Variants in MEGF9 observed in about 807,000 individuals in gnomAD.
The protein encoded by MEGF9 is multiple EGF like domains 9.
MEGF9 carries 6 observed loss-of-function variants against 46.8 expected under a neutral mutation model. That is an observed-to-expected ratio of 0.13 (90% CI 0.07 to 0.25). MEGF9 has a LOEUF of 0.25. Ranked by LOEUF, MEGF9 falls within the 10% of genes least tolerant of loss-of-function variation. The pLI, the probability that MEGF9 is intolerant of heterozygous loss-of-function variation, is 1.00. For synonymous variants in MEGF9, 302 were observed against 330.7 expected (o/e 0.91, Z 0.94); for missense variants, 683 against 792.4 (o/e 0.86, Z 1.66).
At chr9:120,697,755 T>C (rs2043884320) in intron 1 of MEGF9, among the ~76,000 whole-genome samples, 1 of 152,166 alleles carries the variant, frequency 6.6e-6, no homozygotes, top group South Asian at 2.1e-4. Flanking sequence ...AAACACTCTT[T>C]GATCTAATTT....
chr9:120,699,577 G>A (rs1205153058), intron 1 of MEGF9, among the ~76,000 whole-genome samples: 1 of 149,216 alleles, frequency 6.7e-6, no homozygotes, highest in Non-Finnish European at 1.5e-5. Flanking sequence ...TTTTAAATTA[G>A]CTGAGCATGG....
In MEGF9 at chr9:120,645,318, T is replaced by C. The variant is rs149503557; in HGVS notation, c.803+14056A>G. On this transcript the variant is annotated intron_variant, in intron 2 of 5. Coordinates refer to ENST00000373930, the MANE Select transcript of MEGF9 (RefSeq NM_001080497.3). ...AAGATCTAGAACCTAGGAGACCTAA[T>C]TTAGAGCATCCTTGAAAGAATGTGG... is the stretch of plus-strand genomic sequence containing the variant. 6.7e-3 allele frequency among the ~76,000 whole-genome samples: 1,026 copies of C among 152,292 alleles called. 14 individuals are homozygous for C. Among genetic ancestry groups the C allele is most frequent in the South Asian group, 0.03 (146 of 4,832 alleles).
chr9:120,619,964 TAA>T (rs10609079), intron 3 of MEGF9, among the ~76,000 whole-genome samples: 5,077 of 152,242 alleles, frequency 0.033, 261 homozygotes, highest in African/African-American at 0.11. Context: ...CTGTTGAAAA[TAA>T]AGTCACTTGA....
At chr9:120,620,535 T>G (rs2043494429) in intron 3 of MEGF9, among the ~76,000 whole-genome samples, 1 of 151,702 alleles carries the variant, frequency 6.6e-6, no homozygotes, top group Non-Finnish European at 1.5e-5. Context: ...TATGAAAAAA[T>G]ACAAGTATAT....
chr9:120,700,792 C>T (rs1158386344), intron 1 of MEGF9, among the ~76,000 whole-genome samples: 2 of 151,968 alleles, frequency 1.3e-5, no homozygotes, highest in Non-Finnish European at 2.9e-5. Context: ...CTTTAAAGAC[C>T]GTTTCCAGGC....
chr9:120,713,358 C>T (rs943401401), intron 1 of MEGF9, among the ~76,000 whole-genome samples: 1 of 152,174 alleles, frequency 6.6e-6, no homozygotes, highest in African/African-American at 2.4e-5. Context: ...GAATTCCTTA[C>T]CCTCAGCTTT....
At chr9:120,665,954 T>C (rs1276756554) in intron 1 of MEGF9, among the ~76,000 whole-genome samples, 4 of 152,316 alleles carry the variant, frequency 2.6e-5, no homozygotes, top group East Asian at 3.9e-4. Flanking sequence ...CACTGACTTA[T>C]GTGTCTGTTT....
chr9:120,622,858 T>C, intron 2 of MEGF9, 103 bp from the exon 3 acceptor site: 3 of 1,124,434 alleles, frequency 2.7e-6, no homozygotes, highest in South Asian at 3.3e-5. Flanking sequence ...GTAAATCATA[T>C]ATACTTACCA....
intron 1 of MEGF9, among the ~76,000 whole-genome samples, chr9:120,688,130 AACACACACACACACAC>A (rs34218836): frequency 5.6e-5 from 8 of 142,522 alleles, no homozygotes; most frequent in Admixed American, 7.1e-5. Context: ...TCCTCTCCGC[AACACACACACACACAC>A]ACACACACAC....
intron 4 of MEGF9, among the ~76,000 whole-genome samples, 154 bp from the exon 5 acceptor site, chr9:120,608,164 G>A (rs1051603814): frequency 1.3e-5 from 2 of 152,030 alleles, no homozygotes; most frequent in African/African-American, 4.8e-5. Context: ...GACCAGCCTG[G>A]GCAACATGAT....
At chr9:120,691,601 AATTGCTATTCCAATG>A in intron 1 of MEGF9, 5 of 274,574 alleles carry the variant, frequency 1.8e-5, no homozygotes, top group South Asian at 1.5e-4. Context: ...AAAGTAGATG[AATTGCTATTCCAATG>A]ACAATTTTAA....
chr9:120,649,055 C>T (rs748414929), intron 2 of MEGF9, among the ~76,000 whole-genome samples: 7 of 152,124 alleles, frequency 4.6e-5, no homozygotes, highest in African/African-American at 9.7e-5. Context: ...TGCATATGCA[C>T]GTCCTCCCAG....
At chr9:120,690,179 C>T (rs1007285228) in intron 1 of MEGF9, among the ~76,000 whole-genome samples, 27 of 152,138 alleles carry the variant, frequency 1.8e-4, no homozygotes, top group African/African-American at 6.5e-4. Context: ...ACTTCTGCTG[C>T]TGAGGGAATG....
At chr9:120,617,036 G>A (rs554248079) in intron 3 of MEGF9, among the ~76,000 whole-genome samples, 17 of 150,956 alleles carry the variant, frequency 1.1e-4, no homozygotes, top group Admixed American at 1.1e-3. Flanking sequence ...GTTTAACATT[G>A]TTCATTATGC....
rs1387796031 is a variant in MEGF9, at chr9:120,604,441, C to CAGAT, written c.*745_*748dup. On this transcript the variant is annotated 3_prime_UTR_variant, in exon 6 of 6. Transcript: ENST00000373930. ...AAATAGATACAAATACAACGTCGAC[C>CAGAT]AGATATGCTACATTAACTATGTACA... 17 of 152,592 alleles carry CAGAT rather than the reference C, an allele frequency of 1.1e-4. No homozygotes were observed. The highest frequency in any genetic ancestry group is 3.9e-4 in the African/African-American group (16 of 41,498). The allele number at this position is 152,592 out of a possible 1,614,324, so 9.5% of individuals were successfully genotyped here.
At chr9:120,615,919 A>G (rs1401515746) in intron 3 of MEGF9, among the ~76,000 whole-genome samples, 2 of 152,220 alleles carry the variant, frequency 1.3e-5, no homozygotes, top group African/African-American at 2.4e-5. Flanking sequence ...AAATTAAAAA[A>G]AGAATAAAAT....
Position 120,608,017 on chromosome 9 carries a change from G to A in MEGF9, c.1088-7C>T. On this transcript the variant is annotated splice_polypyrimidine_tract_variant and splice_region_variant and intron_variant, in intron 4 of 5. Transcript: ENST00000373930. ...GGTTCCAATTCACTCGATTCTAAAAGAGAGAATGCCAAAATAGTTTAGTAC... is the reference window on the plus strand; with the variant it reads ...GGTTCCAATTCACTCGATTCTAAAAAAGAGAATGCCAAAATAGTTTAGTAC... 1 of 1,613,208 alleles carries A rather than the reference G, an allele frequency of 6.2e-7. No homozygotes were observed. Among genetic ancestry groups the A allele is most frequent in the Non-Finnish European group, 8.5e-7 (1 of 1,179,184 alleles).
chr9:120,625,052 T>A (rs140845925), intron 2 of MEGF9, among the ~76,000 whole-genome samples: 62 of 152,220 alleles, frequency 4.1e-4, no homozygotes, highest in African/African-American at 1.3e-3. Flanking sequence ...GGCAGGAAGA[T>A]CACTTGAGCC....
chr9:120,709,454 A>G (rs1027375331), intron 1 of MEGF9, among the ~76,000 whole-genome samples: 2 of 152,046 alleles, frequency 1.3e-5, no homozygotes, highest in African/African-American at 4.8e-5. Flanking sequence ...GAAGAGAAGT[A>G]ACCAAGACAG....
Sources: gnomAD v4.1 joint callset for allele counts (sites outside exome capture counted in the v4.1 genomes callset) on GRCh38, gnomAD v4.1.1 for gene constraint, MANE v1.5 for transcripts, NCBI Gene and HGNC (gene_info 2026-07-23, HGNC 2026-07-21) for gene names.